Variants in COL13A1 observed in about 807,000 individuals in gnomAD.
COL13A1 encodes collagen alpha-1(XIII) chain.
COL13A1 carries 89 observed loss-of-function variants against 130.9 expected under a neutral mutation model. The observed-to-expected ratio is 0.68, with a 90% CI of 0.57 to 0.81. The LOEUF (loss-of-function observed/expected upper bound fraction) is 0.81. COL13A1 is among the 30% of genes least tolerant of loss of function. The pLI is 0.00. For synonymous variants in COL13A1, 402 were observed against 341.6 expected (o/e 1.18, Z -1.95); for missense variants, 879 against 934.6 (o/e 0.94, Z 0.78).
Position 69,918,177 on chromosome 10 carries a change from C to T in COL13A1, c.967-108C>T, listed in dbSNP as rs531935928. On this transcript the variant is annotated intron_variant, in intron 18 of 40. Coordinates refer to ENST00000645393, the MANE Select transcript of COL13A1 (RefSeq NM_001368882.1). The stretch of plus-strand genomic sequence containing the variant: ...TGGTTGCGGGGTTGGGAGGAGTGAG[C>T]GGTCCTCCTTCTCATCACACCATGG... The T allele has an allele frequency of 2.2e-5, 21 of 943,942 alleles. No individual in the cohort carries two copies. In the East Asian group the frequency reaches 4.1e-4, roughly 18 times the overall value. The allele number at this position is 943,942 out of a possible 1,614,324, so 58.5% of individuals were successfully genotyped here. A position where few individuals can be genotyped will look rare whatever the true frequency, so the allele number is the denominator to read the frequency against.
chr10:69,840,089 A>T (rs930671703), intron 2 of COL13A1, among the ~76,000 whole-genome samples: 14 of 152,160 alleles, frequency 9.2e-5, no homozygotes, highest in African/African-American at 3.4e-4. Context: ...GGTATGTGCT[A>T]GAGGTGACGC....
intron 39 of COL13A1, 129 bp from the exon 40 acceptor site, chr10:69,956,871 GAAAT>G (rs1589783631): frequency 1.5e-6 from 1 of 686,154 alleles, no homozygotes; most frequent in African/African-American, 1.8e-5. Flanking sequence ...GTAGAGAAAA[GAAAT>G]AGACAAGCGT....
chr10:69,891,253 A>AT (rs756490519), intron 10 of COL13A1, among the ~76,000 whole-genome samples: 33 of 152,358 alleles, frequency 2.2e-4, no homozygotes, highest in Non-Finnish European at 3.7e-4. Context: ...ATCTTGGTAT[A>AT]ACAAAAACCT....
chr10:69,919,044 TTC>T lies in COL13A1; in HGVS notation c.1000-14_1000-13del. The T allele has an allele frequency of 1.9e-6, 3 of 1,614,002 alleles. No individual in the cohort carries two copies. Among genetic ancestry groups the T allele is most frequent in the Non-Finnish European group, 2.5e-6 (3 of 1,179,858 alleles). On this transcript the variant is annotated splice_polypyrimidine_tract_variant and intron_variant, in intron 19 of 40. Transcript: ENST00000645393. ...TGCTTTTTCTGTCTCTCACATTTGT[TTC>T]TCTTTTTCCACACAGGGTGAGCCAG... is the stretch of plus-strand genomic sequence containing the variant.
intron 30 of COL13A1, among the ~76,000 whole-genome samples, 199 bp from the exon 31 acceptor site, chr10:69,932,361 G>A (rs988100469): frequency 6.6e-6 from 1 of 152,170 alleles, no homozygotes; most frequent in African/African-American, 2.4e-5. Context: ...AGAGTCCACA[G>A]AGAGTATCAG....
intron 2 of COL13A1, 55 bp downstream of exon 2, chr10:69,822,493 G>A: frequency 7.3e-7 from 1 of 1,362,036 alleles, no homozygotes; most frequent in Non-Finnish European, 9.8e-7. Flanking sequence ...GAGACCAGAG[G>A]CTCTTCCTGG....
chr10:69,954,726 G>A (rs1166653371), intron 39 of COL13A1, among the ~76,000 whole-genome samples: 1 of 152,204 alleles, frequency 6.6e-6, no homozygotes, highest in Non-Finnish European at 1.5e-5. Flanking sequence ...TGTCCTTCTT[G>A]CTTAAATCTC....
At chr10:69,864,064 A>G (rs1394386091) in intron 2 of COL13A1, among the ~76,000 whole-genome samples, 3 of 152,136 alleles carry the variant, frequency 2.0e-5, no homozygotes, top group Non-Finnish European at 4.4e-5. Flanking sequence ...GTGAGATACT[A>G]TCTCAAAAAA....
chr10:69,836,210 G>A (rs112898501), intron 2 of COL13A1, among the ~76,000 whole-genome samples: 165 of 152,372 alleles, frequency 1.1e-3, no homozygotes, highest in African/African-American at 3.8e-3. Context: ...GGAAACACAC[G>A]GGTAACTCAG....
chr10:69,898,699 G>C lies in COL13A1; in HGVS notation c.687G>C (p.Leu229=). Residue 229 remains leucine (L), a splice_region_variant and synonymous_variant, in exon 14 of 41, where the codon CTG becomes CTC. Coordinates refer to ENST00000645393, the MANE Select transcript of COL13A1 (RefSeq NM_001368882.1). ...CTCCAACTCATCTTTCTCCTCAGCT[G>C]CTGCCTCTCCTCAATTCAGTGCGAC... ...KGQCGEYPHR[L]LPLLNSVRLA... is the part of the protein sequence containing the mutation. 1 of 1,612,950 alleles carries C rather than the reference G, an allele frequency of 6.2e-7. No homozygotes were observed. The highest frequency in any genetic ancestry group is 8.5e-7 in the Non-Finnish European group (1 of 1,179,442).
chr10:69,879,915 G>T, intron 6 of COL13A1, among the ~76,000 whole-genome samples: 1 of 152,170 alleles, frequency 6.6e-6, no homozygotes, highest in East Asian at 1.9e-4. Context: ...CAGGGTCAGG[G>T]ATGCTGAGTT....
intron 6 of COL13A1, among the ~76,000 whole-genome samples, chr10:69,880,135 G>C (rs180807724): frequency 6.6e-6 from 1 of 151,958 alleles, no homozygotes; most frequent in South Asian, 2.1e-4. Flanking sequence ...CCTGTTTCCC[G>C]CCACTCCAAT....
intron 7 of COL13A1, among the ~76,000 whole-genome samples, chr10:69,882,019 G>A (rs562914135): frequency 2.0e-5 from 3 of 152,346 alleles, no homozygotes; most frequent in East Asian, 1.9e-4. Flanking sequence ...GGGCTCACAC[G>A]GTGGCTGCCC....
At chr10:69,956,251 G>C (rs1347644466) in intron 39 of COL13A1, 1 of 152,256 alleles carries the variant, frequency 6.6e-6, no homozygotes, top group East Asian at 1.9e-4. Flanking sequence ...GAAAACTCAG[G>C]AAAGTTTCTA....
intron 9 of COL13A1, among the ~76,000 whole-genome samples, chr10:69,888,749 C>T (rs1462618766): frequency 6.6e-6 from 1 of 152,168 alleles, no homozygotes; most frequent in Non-Finnish European, 1.5e-5. Context: ...GTCTCCCTCC[C>T]CGATTGAGAC....
chr10:69,945,767 C>A, intron 37 of COL13A1, 43 bp downstream of exon 37: 1 of 1,589,056 alleles, frequency 6.3e-7, no homozygotes, highest in Admixed American at 1.8e-5. Context: ...CCCACCCCTG[C>A]CCCCATTAGA....
rs201285427 is a variant in COL13A1, at chr10:69,958,727, G to C, written c.*26G>C. ...TGCCTCTAACCTTGGATTGGCCTGT[G>C]TGTGTGTTTGTACATAGAATATTTA... is the stretch of plus-strand genomic sequence containing the variant. On this transcript the variant is annotated 3_prime_UTR_variant, in exon 41 of 41. Coordinates refer to ENST00000645393, the MANE Select transcript of COL13A1 (RefSeq NM_001368882.1). 6.2e-7 allele frequency: 1 copy of C among 1,613,546 alleles called. No individual in the cohort carries two copies. Among genetic ancestry groups the C allele is most frequent in the South Asian group, 1.1e-5 (1 of 91,006 alleles).
intron 7 of COL13A1, among the ~76,000 whole-genome samples, chr10:69,883,584 C>T (rs951432304): frequency 2.0e-5 from 3 of 152,196 alleles, no homozygotes; most frequent in Non-Finnish European, 2.9e-5. Flanking sequence ...ATGCAGACAG[C>T]AAGTGCTAAG....
In COL13A1 at chr10:69,857,158, C is replaced by G. The variant is rs545880407; in HGVS notation, c.365-10640C>G. Among the ~76,000 whole-genome samples, 68 of 152,322 alleles carry G rather than the reference C, an allele frequency of 4.5e-4. 1 individual carries two copies. The South Asian group carries it at 6.2e-3, about 14-fold the overall frequency. ...CAGTCTCTACCAGCAAGACCTACCCCCAAGGTTTCCTCACTCAGGACTTAC... is the reference window on the plus strand; with the variant it reads ...CAGTCTCTACCAGCAAGACCTACCCGCAAGGTTTCCTCACTCAGGACTTAC... On this transcript the variant is annotated intron_variant, in intron 2 of 40. Transcript: ENST00000645393.
Sources: allele counts gnomAD v4.1 joint callset (sites outside exome capture counted in the v4.1 genomes callset), GRCh38; gene constraint gnomAD v4.1.1; transcripts MANE v1.5; gene names NCBI Gene and HGNC (gene_info 2026-07-23, HGNC 2026-07-21).